FAM217B: variants seen among roughly 807,000 people sequenced by gnomAD.
The protein encoded by FAM217B is family with sequence similarity 217 member B, also known as protein FAM217B.
For synonymous variants in FAM217B, 163 were observed against 173.0 expected, an observed-to-expected ratio of 0.94 and a Z score of 0.45; for missense variants, 463 against 456.9, an observed-to-expected ratio of 1.01 and a Z score of -0.12.
upstream of FAM217B, chr20:59,940,229 G>A: frequency 3.6e-6 from 1 of 277,006 alleles, no homozygotes; most frequent in Admixed American, 5.4e-5. Flanking sequence ...TTGCTTCCTT[G>A]GAGGTTCTTA....
In FAM217B at chr20:59,945,252, GT is replaced by G; in HGVS notation, c.*159del. On this transcript the variant is annotated 3_prime_UTR_variant, in exon 4 of 4. Coordinates refer to ENST00000360816, the MANE Select transcript of FAM217B (RefSeq NM_022106.3). ...CACCTTTATTTCTACCCTGAGTGGG[GT>G]TATTTTCAAAGGGAAGTGTCTTTCA... The G allele has an allele frequency of 1.6e-6, 1 of 629,568 alleles. No individual in the cohort carries two copies. Among genetic ancestry groups the G allele is most frequent in the Non-Finnish European group, 2.7e-6 (1 of 374,956 alleles). 39.0% of individuals were successfully genotyped at this position (629,568 alleles called of 1,614,324 possible).
upstream of FAM217B, chr20:59,939,428 A>G (rs957491895): frequency 1.2e-6 from 2 of 1,611,334 alleles, no homozygotes; most frequent in Non-Finnish European, 1.7e-6. Flanking sequence ...GGCGCTCGCC[A>G]AAGTCGGCGG....
chr20:59,946,242 C>T lies in FAM217B; in HGVS notation c.*1147C>T, dbSNP rs1369075119. 6.0e-6 allele frequency: 1 copy of T among 166,998 alleles called. No homozygotes were observed. The highest frequency in any genetic ancestry group is 1.9e-4 in the East Asian group (1 of 5,196). The allele number at this position is 166,998 out of a possible 1,614,324, so 10.3% of individuals were successfully genotyped here. A position where few individuals can be genotyped will look rare whatever the true frequency, so the allele number is the denominator to read the frequency against. On this transcript the variant is annotated 3_prime_UTR_variant, in exon 4 of 4. Transcript: ENST00000360816. ...TTATTTCACTGCAGTTAAATAACATCTTCTTGTTCCTATAGTTGTGCTGTG... is the reference window on the plus strand; with the variant it reads ...TTATTTCACTGCAGTTAAATAACATTTTCTTGTTCCTATAGTTGTGCTGTG...
chr20:59,939,377 C>G (rs1488810316), upstream of FAM217B: 1 of 1,610,470 alleles, frequency 6.2e-7, no homozygotes, highest in Non-Finnish European at 8.5e-7. Flanking sequence ...TGCCAAGGTC[C>G]GAGCAAGTGA....
upstream of FAM217B, chr20:59,939,300 G>A (rs768583960): frequency 3.7e-6 from 6 of 1,612,120 alleles, no homozygotes; most frequent in Middle Eastern, 1.6e-4. Flanking sequence ...GCGCCAGCCC[G>A]AGAAAGTGTA....
chr20:59,941,743 C>T (rs959744023), intron 1 of FAM217B, among the ~76,000 whole-genome samples: 1 of 152,138 alleles, frequency 6.6e-6, no homozygotes, highest in South Asian at 2.1e-4. Flanking sequence ...TGAACAGGGA[C>T]GTGCATAATC....
In FAM217B at chr20:59,945,944, G is replaced by A. The variant is rs1290341976; in HGVS notation, c.*849G>A. On this transcript the variant is annotated 3_prime_UTR_variant, in exon 4 of 4. Coordinates refer to ENST00000360816, the MANE Select transcript of FAM217B (RefSeq NM_022106.3). ...AGCTTCTCCAGAGAGGCACCCCAGG[G>A]AAATCACTCTTTACAATTTGTAAAG... 3 of 166,988 alleles carry A rather than the reference G, an allele frequency of 1.8e-5. No individual in the cohort carries two copies. The highest frequency in any genetic ancestry group is 4.4e-5 in the Non-Finnish European group (3 of 68,118). The allele number at this position is 166,988 out of a possible 1,614,324, so 10.3% of individuals were successfully genotyped here. A position where few individuals can be genotyped will look rare whatever the true frequency, so the allele number is the denominator to read the frequency against.
At position 59,948,544 on chromosome 20, in the gene FAM217B, T is replaced by G. The variant is rs2060951279; in HGVS notation, c.*3449T>G. On this transcript the variant is annotated 3_prime_UTR_variant, in exon 4 of 4. Transcript: ENST00000360816. Reference sequence around the variant, plus strand: ...GACACCATTCAAAATGGCTTGAAAATATTCAGCATGTTTGTTATTTGCTGT... The same window carrying G: ...GACACCATTCAAAATGGCTTGAAAAGATTCAGCATGTTTGTTATTTGCTGT... The G allele has an allele frequency of 6.0e-6, 1 of 167,072 alleles. No individual in the cohort carries two copies. Among genetic ancestry groups the G allele is most frequent in the African/African-American group, 2.4e-5 (1 of 41,450 alleles). The allele number at this position is 167,072 out of a possible 1,614,324, so 10.3% of individuals were successfully genotyped here.
At chr20:59,935,815 T>C (rs1435747165), upstream of FAM217B, among the ~76,000 whole-genome samples, 1 of 152,234 alleles carries the variant, frequency 6.6e-6, no homozygotes, top group Non-Finnish European at 1.5e-5. Context: ...TTAATTTAGC[T>C]TTCTGAATCA....
chr20:59,936,019 A>G (rs1283617680), upstream of FAM217B, among the ~76,000 whole-genome samples: 4 of 152,302 alleles, frequency 2.6e-5, no homozygotes, highest in South Asian at 2.1e-4. Flanking sequence ...TATTGTGTGA[A>G]TATCTTAGCG....
chr20:59,941,042 C>A (rs1011546932), intron 1 of FAM217B, among the ~76,000 whole-genome samples: 1 of 152,206 alleles, frequency 6.6e-6, no homozygotes, highest in Non-Finnish European at 1.5e-5. Context: ...TCCAAGCAAG[C>A]CAGAAACACC....
Position 59,944,410 on chromosome 20 carries a change from G to A in FAM217B, c.467G>A (p.Arg156Gln), listed in dbSNP as rs376098050. ...LPSPFSSWDLRDMALLLNAEN... is the reference protein window; with the variant it reads ...LPSPFSSWDLQDMALLLNAEN... ...TCCCCTTTCAGCTCCTGGGACCTAC[G>A]AGATATGGCCCTGCTTCTGAACGCA... The change falls in exon 4 of 4, where the codon CGA (arginine) becomes CAA (glutamine). Residue 156 changes from arginine to glutamine, a missense_variant. Transcript: ENST00000360816. 2.5e-6 allele frequency: 4 copies of A among 1,613,890 alleles called. No individual in the cohort carries two copies. Among genetic ancestry groups the A allele is most frequent in the African/African-American group, 1.3e-5 (1 of 74,850 alleles).
At chr20:59,941,064 G>T (rs2060901946) in intron 1 of FAM217B, among the ~76,000 whole-genome samples, 1 of 152,168 alleles carries the variant, frequency 6.6e-6, no homozygotes, top group African/African-American at 2.4e-5. Flanking sequence ...GCAAGGCCTG[G>T]AGCTTGTTTT....
In FAM217B at chr20:59,944,765, T is replaced by C; in HGVS notation, c.822T>C (p.Leu274=). ...CTTCCCCTAGACCCATTGATGTGCT[T>C]GGTGGTACCAGGTTTTGTTCTCAGA... ...FETSPRPIDV[L]GGTRFCSQRQ... is the part of the protein sequence containing the mutation. Residue 274 remains leucine (L), a synonymous_variant, in exon 4 of 4, where the codon CTT becomes CTC. Coordinates refer to ENST00000360816, the MANE Select transcript of FAM217B (RefSeq NM_022106.3). 1 of 1,614,222 alleles carries C rather than the reference T, an allele frequency of 6.2e-7. No homozygotes were observed. Among genetic ancestry groups the C allele is most frequent in the Non-Finnish European group, 8.5e-7 (1 of 1,180,044 alleles).
In FAM217B at chr20:59,948,511, A is replaced by G. The variant is rs1320745623; in HGVS notation, c.*3416A>G. The G allele has an allele frequency of 6.0e-6, 1 of 167,028 alleles. No homozygotes were observed. The highest frequency in any genetic ancestry group is 1.5e-5 in the Non-Finnish European group (1 of 68,118). 10.3% of individuals were successfully genotyped at this position (167,028 alleles called of 1,614,324 possible). ...GAAGCAGTATGTATTATTTATGTAC[A>G]TGTACAGGACACCATTCAAAATGGC... is the stretch of plus-strand genomic sequence containing the variant. On this transcript the variant is annotated 3_prime_UTR_variant, in exon 4 of 4. Coordinates refer to ENST00000360816, the MANE Select transcript of FAM217B (RefSeq NM_022106.3).
At chr20:59,943,809 GACATTTTC>G in intron 3 of FAM217B, 123 bp from the exon 4 acceptor site, 1 of 707,622 alleles carries the variant, frequency 1.4e-6, no homozygotes, top group Non-Finnish European at 2.3e-6. Context: ...TTTGGAAGCT[GACATTTTC>G]TAATGCCTAC....
rs2060921881 is a variant in FAM217B, at chr20:59,944,192, AATT to A, written c.254_256del (p.Ile85del). On this transcript the variant is annotated inframe_deletion, in exon 4 of 4. Coordinates refer to ENST00000360816, the MANE Select transcript of FAM217B (RefSeq NM_022106.3). ...TGTTTCTTGATTTTCAGTCAATGAAAATTATTAAAGAGAATGCTGATGAGGACA... is the reference window on the plus strand; with the variant it reads ...TGTTTCTTGATTTTCAGTCAATGAAAATTAAAGAGAATGCTGATGAGGACA... 6.2e-7 allele frequency: 1 copy of A among 1,614,148 alleles called. No individual in the cohort carries two copies. The highest frequency in any genetic ancestry group is 8.5e-7 in the Non-Finnish European group (1 of 1,180,022).
At chr20:59,940,058 G>A (rs1331230772), upstream of FAM217B, 2 of 727,288 alleles carry the variant, frequency 2.7e-6, no homozygotes, top group African/African-American at 1.8e-5. Flanking sequence ...GACCTCTCGG[G>A]CCCGGTGCGC....
In FAM217B at chr20:59,944,453, C is replaced by T. The variant is rs367633648; in HGVS notation, c.510C>T (p.Ala170=). The T allele has an allele frequency of 1.7e-5, 27 of 1,613,798 alleles. No homozygotes were observed. Among genetic ancestry groups the T allele is most frequent in the South Asian group, 1.2e-4 (11 of 91,066 alleles). Residue 170 remains alanine, a synonymous_variant, in exon 4 of 4, where the codon GCC becomes GCT. Transcript: ENST00000360816. ...LLLNAENKTE[A]VPRVGGLLGK... is the part of the protein sequence containing the mutation. ...TGAACGCAGAGAACAAAACGGAAGC[C>T]GTGCCCCGAGTGGGAGGACTTCTTG...
Sources: allele counts gnomAD v4.1 joint callset (sites outside exome capture counted in the v4.1 genomes callset), GRCh38; gene constraint gnomAD v4.1.1; transcripts MANE v1.5; gene names NCBI Gene and HGNC (gene_info 2026-07-23, HGNC 2026-07-21).